The following DPP3 variants were observed in gnomAD, a reference collection of about 807,000 sequenced individuals.
DPP3 encodes the protein DPP III.
A neutral mutation model predicts 89.8 loss-of-function variants in DPP3; 64 were observed. The ratio of observed to expected loss-of-function variants is 0.71; its 90% confidence interval spans 0.58 to 0.88. DPP3 has a LOEUF of 0.88. DPP3 is among the 40% of genes least tolerant of loss of function. The pLI, the probability that DPP3 is intolerant of heterozygous loss-of-function variation, is 0.00. For synonymous variants in DPP3, 377 were observed against 404.3 expected (o/e 0.93, Z 0.81); for missense variants, 835 against 972.5 (o/e 0.86, Z 1.88).
At chr11:66,489,342 C>A (rs1855316151) in intron 6 of DPP3, among the ~76,000 whole-genome samples, 1 of 152,194 alleles carries the variant, frequency 6.6e-6, no homozygotes, top group Non-Finnish European at 1.5e-5. Context: ...TTCCCATCGG[C>A]ACATTCAGTA....
chr11:66,486,655 G>A lies in DPP3; in HGVS notation c.476G>A (p.Arg159Gln), dbSNP rs755183144. The change falls in exon 4 of 18, where the codon CGA (arginine) becomes CAA (glutamine). Residue 159 changes from arginine (R) to glutamine (Q), a missense_variant. Transcript: ENST00000531863. ...ATGTTCTCTCTGGAGCCAAGGCTTC[G>A]ACACCTCGGACTGGGGAAGGAGGTG... ...ELMFSLEPRL[R>Q]HLGLGKEGIT... The A allele has an allele frequency of 1.3e-5, 20 of 1,558,152 alleles. No homozygotes were observed. Among genetic ancestry groups the A allele is most frequent in the African/African-American group, 4.2e-5 (3 of 72,148 alleles).
chr11:66,493,577 G>C lies in DPP3; in HGVS notation c.1333G>C (p.Val445Leu). ...YILWKGPSFDVQVGLHELLGH... is the reference protein window; with the variant it reads ...YILWKGPSFDLQVGLHELLGH... ...CCTCTGGAAGGGGCCCTCCTTCGAT[G>C]TGCAGGTGGGCCTGCACGAGCTGCT... The change falls in exon 12 of 18, where the codon GTG becomes CTG. Residue 445 changes from valine (V) to leucine (L), a missense_variant. Transcript: ENST00000531863. The C allele has an allele frequency of 6.2e-7, 1 of 1,613,234 alleles. No individual in the cohort carries two copies. Among genetic ancestry groups the C allele is most frequent in the Non-Finnish European group, 8.5e-7 (1 of 1,179,932 alleles).
chr11:66,496,763 G>T (rs113195666), intron 15 of DPP3, among the ~76,000 whole-genome samples: 1 of 152,128 alleles, frequency 6.6e-6, no homozygotes, highest in Non-Finnish European at 1.5e-5. Context: ...TTGAGGAGGC[G>T]ATGTGACGTC....
At chr11:66,506,412 G>A (rs894647592) in intron 17 of DPP3, among the ~76,000 whole-genome samples, 14 of 150,682 alleles carry the variant, frequency 9.3e-5, no homozygotes, top group African/African-American at 3.2e-4. Flanking sequence ...GTGCCGCCAT[G>A]CCCGGCTAAT....
At chr11:66,497,164 A>T (rs1437173909) in intron 15 of DPP3, 134 bp from the exon 16 acceptor site, 5 of 1,091,742 alleles carry the variant, frequency 4.6e-6, no homozygotes, top group Non-Finnish European at 5.2e-6. Context: ...GGGGAGAATG[A>T]CAATAACAGT....
At position 66,504,723 on chromosome 11, in the gene DPP3, C is replaced by T. The variant is rs201891847; in HGVS notation, c.1990C>T (p.Leu664=). The change falls in exon 17 of 18, where the codon CTG becomes TTG. Residue 664 remains leucine (L), a synonymous_variant. Transcript: ENST00000531863. ...CCTCACCCTCAGGGACACGGTGCTG[C>T]TGCGTAAGGAATCTCGGAAGCTCAT... ...CFLTLRDTVL[L]RKESRKLIVQ... is the part of the protein sequence containing the mutation. 1.6e-5 allele frequency: 26 copies of T among 1,612,926 alleles called. 1 individual carries two copies. In the South Asian group the frequency reaches 1.6e-4, roughly 10 times the overall value.
intron 12 of DPP3, 123 bp downstream of exon 12, chr11:66,493,756 A>C: frequency 9.7e-7 from 1 of 1,032,388 alleles, no homozygotes; most frequent in Non-Finnish European, 1.4e-6. Flanking sequence ...AGTGGGGAAA[A>C]TGGCCCCTTA....
At chr11:66,509,012 T>G in intron 17 of DPP3, 67 bp from the exon 18 acceptor site, 1 of 1,563,968 alleles carries the variant, frequency 6.4e-7, no homozygotes, top group South Asian at 1.2e-5. Flanking sequence ...ATTATTAAGA[T>G]TTTTATGATG....
intron 12 of DPP3, among the ~76,000 whole-genome samples, chr11:66,494,162 C>T (rs1855472908): frequency 6.6e-6 from 1 of 152,186 alleles, no homozygotes; most frequent in African/African-American, 2.4e-5. Flanking sequence ...TCTTGCCAGC[C>T]GGCCAGAGTG....
At position 66,509,081 on chromosome 11, in the gene DPP3, T is replaced by A; in HGVS notation, c.2044T>A (p.Ser682Thr). Residue 682 changes from serine to threonine, a missense_variant and splice_region_variant, in exon 18 of 18, where the codon TCA becomes ACA. Ser to Thr is a moderately conservative substitution (Grantham distance 58, BLOSUM62 1). Transcript: ENST00000531863. ...TTTTCTCTCCATCTCCTCCCCAGGC[T>A]CAGACGTGCAGCTTCTGGAATACGA... is the stretch of plus-strand genomic sequence containing the variant. Reference protein sequence around the residue: ...IVQPNTRLEGSDVQLLEYEAS... With the variant: ...IVQPNTRLEGTDVQLLEYEAS... 6.2e-7 allele frequency: 1 copy of A among 1,613,886 alleles called. No homozygotes were observed. Among genetic ancestry groups the A allele is most frequent in the African/African-American group, 1.3e-5 (1 of 75,046 alleles).
At chr11:66,505,674 A>G (rs949182505) in intron 17 of DPP3, among the ~76,000 whole-genome samples, 5 of 152,052 alleles carry the variant, frequency 3.3e-5, no homozygotes, top group African/African-American at 1.2e-4. Context: ...TTAGTGGAGG[A>G]GCCAAGAGTC....
intron 16 of DPP3, among the ~76,000 whole-genome samples, chr11:66,500,734 T>C (rs1261398595): frequency 2.0e-5 from 3 of 152,176 alleles, no homozygotes; most frequent in Non-Finnish European, 4.4e-5. Flanking sequence ...TCAGGAGACA[T>C]ACAGGGATGT....
At position 66,504,716 on chromosome 11, in the gene DPP3, G is replaced by T. The variant is rs181596308; in HGVS notation, c.1983G>T (p.Thr661=). Residue 661 remains threonine, a synonymous_variant, in exon 17 of 18, where the codon ACG becomes ACT. Transcript: ENST00000531863. Reference sequence around the variant, plus strand: ...AGTGCTTCCTCACCCTCAGGGACACGGTGCTGCTGCGTAAGGAATCTCGGA... The same window carrying T: ...AGTGCTTCCTCACCCTCAGGGACACTGTGCTGCTGCGTAAGGAATCTCGGA... The part of the protein sequence containing the change: ...PPECFLTLRD[T]VLLRKESRKL... The T allele has an allele frequency of 2.5e-6, 4 of 1,613,140 alleles. No homozygotes were observed. The highest frequency in any genetic ancestry group is 3.4e-6 in the Non-Finnish European group (4 of 1,179,776).
chr11:66,496,479 A>G (rs1285223012), intron 15 of DPP3, among the ~76,000 whole-genome samples: 2 of 151,306 alleles, frequency 1.3e-5, no homozygotes, highest in Non-Finnish European at 2.9e-5. Flanking sequence ...CAGTGGCACC[A>G]TCTTGGCTCA....
intron 6 of DPP3, among the ~76,000 whole-genome samples, chr11:66,490,986 C>G (rs560765581): frequency 6.6e-6 from 1 of 152,176 alleles, no homozygotes; most frequent in South Asian, 2.1e-4. Flanking sequence ...CCAGACTGGT[C>G]ACGAACTTCA....
chr11:66,498,585 A>G (rs1016591316), intron 16 of DPP3, among the ~76,000 whole-genome samples: 1 of 152,236 alleles, frequency 6.6e-6, no homozygotes, highest in African/African-American at 2.4e-5. Flanking sequence ...GTTTACCGTT[A>G]ATAAACCCTC....
rs772459673 is a variant in DPP3 at position 66,504,790 on chromosome 11, G to A, written c.2041+16G>A. 1 of 1,603,294 alleles carries A rather than the reference G, an allele frequency of 6.2e-7. No individual in the cohort carries two copies. Among genetic ancestry groups the A allele is most frequent in the Non-Finnish European group, 8.5e-7 (1 of 1,174,800 alleles). On this transcript the variant is annotated intron_variant, in intron 17 of 17. Coordinates refer to ENST00000531863, the MANE Select transcript of DPP3 (RefSeq NM_130443.4). The stretch of plus-strand genomic sequence containing the variant: ...CGCCTTGAAGGTAATGAGGTAATGA[G>A]GGAGCTCTTGAGCTCCCTTGATGAG...
At chr11:66,495,176 C>G (rs985499249) in intron 12 of DPP3, 30 bp from the exon 13 acceptor site, 2 of 1,612,044 alleles carry the variant, frequency 1.2e-6, no homozygotes, top group Non-Finnish European at 1.7e-6. Context: ...GTTGGGGGCG[C>G]CTTTCCCTCA....
chr11:66,490,362 T>G (rs1273670845), intron 6 of DPP3, among the ~76,000 whole-genome samples: 4 of 152,208 alleles, frequency 2.6e-5, no homozygotes, highest in Non-Finnish European at 5.9e-5. Flanking sequence ...ATTACAGTTG[T>G]GGAGGTCCAG....
Sources: gnomAD v4.1 joint callset for allele counts (sites outside exome capture counted in the v4.1 genomes callset) on GRCh38, gnomAD v4.1.1 for gene constraint, MANE v1.5 for transcripts, NCBI Gene and HGNC (gene_info 2026-07-23, HGNC 2026-07-21) for gene names.